TRRAP: variants seen among roughly 807,000 people sequenced by gnomAD.
The protein encoded by TRRAP is transformation/transcription domain associated protein, also known as transformation/transcription domain-associated protein.
TRRAP carries 41 observed loss-of-function variants against 438.8 expected under a neutral mutation model. That is an observed-to-expected ratio of 0.09 (90% CI 0.07 to 0.12). The LOEUF (loss-of-function observed/expected upper bound fraction) is 0.12. Ranked by LOEUF, TRRAP falls within the 10% of genes least tolerant of loss-of-function variation. The pLI, the probability that TRRAP is intolerant of heterozygous loss-of-function variation, is 1.00. For synonymous variants in TRRAP, 1,994 were observed against 1,962.9 expected (o/e 1.02, Z -0.42); for missense variants, 3,122 against 5,055.1 (o/e 0.62, Z 11.60).
At chr7:98,978,395 C>T in intron 57 of TRRAP, 72 bp downstream of exon 57, 1 of 1,360,260 alleles carries the variant, frequency 7.4e-7, no homozygotes, top group South Asian at 1.3e-5. Flanking sequence ...CTGACCTTTT[C>T]TTGTAATGAG....
At chr7:98,957,383 A>AGG (rs1337929552) in intron 43 of TRRAP, among the ~76,000 whole-genome samples, 2 of 152,214 alleles carry the variant, frequency 1.3e-5, no homozygotes, top group Non-Finnish European at 2.9e-5. Context: ...AGCTGGGTGA[A>AGG]GGGTACGTGA....
chr7:98,963,045 A>C (rs1439985831), intron 47 of TRRAP, among the ~76,000 whole-genome samples: 1 of 152,236 alleles, frequency 6.6e-6, no homozygotes. Flanking sequence ...ATACAAATGA[A>C]GGAATACTAA....
chr7:98,888,409 T>C (rs1456736335), intron 3 of TRRAP, among the ~76,000 whole-genome samples: 2 of 148,544 alleles, frequency 1.3e-5, no homozygotes, highest in Non-Finnish European at 3.0e-5. Context: ...TGGTGGCTTA[T>C]GCCTGTAGTC....
In TRRAP at chr7:98,948,420, T is replaced by C; in HGVS notation, c.4668+80T>C. The C allele has an allele frequency of 1.2e-6, 2 of 1,610,124 alleles. No individual in the cohort carries two copies. Among genetic ancestry groups the C allele is most frequent in the Admixed American group, 1.7e-5 (1 of 59,940 alleles). ...CGTCCTCACTTGATCGTATTTTCAA[T>C]GGACGGAACAGCATAAAGACGTTCG... On this transcript the variant is annotated intron_variant, in intron 34 of 72. Transcript: ENST00000456197. The surrounding 1 kb of genome is among the most constrained non-coding windows in gnomAD (Gnocchi z 4.9).
intron 67 of TRRAP, 38 bp from the exon 68 acceptor site, chr7:99,004,152 A>G (rs1794062620): frequency 6.3e-7 from 1 of 1,587,668 alleles, no homozygotes; most frequent in African/African-American, 1.4e-5. Flanking sequence ...ACTGGCCCAG[A>G]TGACTAAAAA....
chr7:98,962,254 G>A (rs1791931272), intron 46 of TRRAP, 48 bp from the exon 47 acceptor site: 1 of 1,612,666 alleles, frequency 6.2e-7, no homozygotes, highest in Admixed American at 1.7e-5. Context: ...CAGCACTGGT[G>A]GGCCCAAGAG....
intron 23 of TRRAP, among the ~76,000 whole-genome samples, chr7:98,928,153 G>T (rs139037032): frequency 6.6e-6 from 1 of 152,038 alleles, no homozygotes; most frequent in African/African-American, 2.4e-5. Flanking sequence ...CAGGAGAATC[G>T]CTTGAACCTG....
At chr7:98,960,373 T>C (rs1283391192) in intron 45 of TRRAP, among the ~76,000 whole-genome samples, 1 of 152,234 alleles carries the variant, frequency 6.6e-6, no homozygotes, top group Non-Finnish European at 1.5e-5. Context: ...AAACTTTTGC[T>C]ATTGAGATTA....
At chr7:98,974,268 TTG>T (rs1374957247) in intron 53 of TRRAP, among the ~76,000 whole-genome samples, 1 of 152,206 alleles carries the variant, frequency 6.6e-6, no homozygotes, top group Non-Finnish European at 1.5e-5. Context: ...TTACAAATCA[TTG>T]TGTTTGTTGT....
chr7:98,910,654 CTTAGTA>C, intron 16 of TRRAP, 47 bp downstream of exon 16: 1 of 1,520,482 alleles, frequency 6.6e-7, no homozygotes, highest in Non-Finnish European at 9.0e-7. Context: ...GAAAGTACCT[CTTAGTA>C]TTAGAGGTCA....
At chr7:99,006,224 A>T (rs1255679791) in intron 69 of TRRAP, among the ~76,000 whole-genome samples, 1 of 152,200 alleles carries the variant, frequency 6.6e-6, no homozygotes, top group Non-Finnish European at 1.5e-5. Context: ...ACTTTTTAGC[A>T]TGTAATCCCT....
Position 98,899,725 on chromosome 7 carries a change from T to C in TRRAP, c.758T>C (p.Leu253Ser). 6.2e-7 allele frequency: 1 copy of C among 1,614,208 alleles called. No homozygotes were observed. The highest frequency in any genetic ancestry group is 8.5e-7 in the Non-Finnish European group (1 of 1,180,036). ...IHNVVAEFVPLIMNTIAIQVS... is the reference protein window; with the variant it reads ...IHNVVAEFVPSIMNTIAIQVS... The stretch of plus-strand genomic sequence containing the variant: ...AATGTTGTTGCTGAGTTTGTGCCCT[T>C]GATCATGAACACCATTGCCATTCAG... Residue 253 changes from leucine to serine, a missense_variant, in exon 10 of 73, where the codon TTG (leucine) becomes TCG (serine). Transcript: ENST00000456197.
chr7:98,953,908 C>T (rs1001551421), intron 40 of TRRAP, among the ~76,000 whole-genome samples: 7 of 152,212 alleles, frequency 4.6e-5, no homozygotes, highest in African/African-American at 1.7e-4. Flanking sequence ...CATTCCCACT[C>T]TGCTCTCTCG....
chr7:98,961,237 A>G (rs745682898), intron 45 of TRRAP, 24 bp from the exon 46 acceptor site: 8 of 1,608,858 alleles, frequency 5.0e-6, no homozygotes, highest in Non-Finnish European at 6.8e-6. Context: ...TTCCTCTGTG[A>G]GTGGCCTGTG....
intron 3 of TRRAP, among the ~76,000 whole-genome samples, chr7:98,887,963 G>A (rs1795788830): frequency 6.6e-6 from 1 of 152,096 alleles, no homozygotes; most frequent in South Asian, 2.1e-4. Flanking sequence ...CAGGTGCGGT[G>A]GCTCCCGCCT....
chr7:98,891,187 T>G, intron 4 of TRRAP, among the ~76,000 whole-genome samples: 1 of 73,558 alleles, frequency 1.4e-5, no homozygotes, highest in African/African-American at 3.2e-5. Context: ...CATTTAGAAA[T>G]AGTCCATATA....
intron 1 of TRRAP, among the ~76,000 whole-genome samples, chr7:98,880,478 G>C (rs1795378370): frequency 6.6e-6 from 1 of 152,006 alleles, no homozygotes; most frequent in Admixed American, 6.6e-5. Flanking sequence ...TGGCTACGCT[G>C]GTCTGGAACT....
chr7:98,968,196 T>A (rs1792246356), intron 51 of TRRAP, among the ~76,000 whole-genome samples: 2 of 152,034 alleles, frequency 1.3e-5, no homozygotes, highest in African/African-American at 4.8e-5. Flanking sequence ...TTTTTGTATT[T>A]TTAGTAGAGA....
Position 98,881,089 on chromosome 7 carries a change from G to C in TRRAP, c.-61-1G>C. ...GACTAACTCTATGCTTCTTTTCATA[G>C]GCTGGTTGAACTCATGGACCTGATA... On this transcript the variant is annotated splice_acceptor_variant, in intron 1 of 72. Coordinates refer to ENST00000456197, the MANE Select transcript of TRRAP (RefSeq NM_001375524.1). LOFTEE classifies it low-confidence loss of function (5UTR_SPLICE). 1 of 1,409,176 alleles carries C rather than the reference G, an allele frequency of 7.1e-7. No homozygotes were observed. Among genetic ancestry groups the C allele is most frequent in the South Asian group, 1.3e-5 (1 of 75,982 alleles). 87.3% of individuals were successfully genotyped at this position (1,409,176 alleles called of 1,614,324 possible). A position where few individuals can be genotyped will look rare whatever the true frequency, so the allele number is the denominator to read the frequency against.
Sources: allele counts gnomAD v4.1 joint callset (sites outside exome capture counted in the v4.1 genomes callset), GRCh38; gene constraint gnomAD v4.1.1; non-coding constraint Gnocchi (gnomAD v3.1); transcripts MANE v1.5; gene names NCBI Gene and HGNC (gene_info 2026-07-23, HGNC 2026-07-21).